Variants in KLHL32 observed in about 807,000 individuals in gnomAD.
KLHL32 encodes kelch like family member 32.
KLHL32 carries 35 observed loss-of-function variants against 64.8 expected under a neutral mutation model. The observed-to-expected ratio is 0.54, with a 90% confidence interval of 0.41 to 0.72. The LOEUF is 0.72. Ranked by LOEUF, KLHL32 falls within the 30% of genes least tolerant of loss-of-function variation. The pLI, the probability that KLHL32 is intolerant of heterozygous loss-of-function variation, is 0.00. For missense variants in KLHL32, 589 were observed against 768.5 expected, an observed-to-expected ratio of 0.77 and a Z score of 2.76; for synonymous variants, 259 against 281.0, an observed-to-expected ratio of 0.92 and a Z score of 0.78.
At chr6:96,946,643 G>A (rs1771951275) in intron 1 of KLHL32, among the ~76,000 whole-genome samples, 1 of 152,172 alleles carries the variant, frequency 6.6e-6, no homozygotes, top group South Asian at 2.1e-4. Context: ...GGACAAGTAT[G>A]GGAGAAAGCA....
chr6:96,971,068 A>G (rs1329759636), intron 2 of KLHL32, among the ~76,000 whole-genome samples: 2 of 152,136 alleles, frequency 1.3e-5, no homozygotes, highest in African/African-American at 4.8e-5. Flanking sequence ...TGTGTAAAGT[A>G]GCCTAGTTAA....
chr6:97,127,119 T>C (rs895999189), intron 7 of KLHL32, among the ~76,000 whole-genome samples: 1 of 152,216 alleles, frequency 6.6e-6, no homozygotes, highest in Non-Finnish European at 1.5e-5. Flanking sequence ...TCCCTAATAC[T>C]TTGCCCCTCA....
At chr6:97,099,580 C>T (rs1013970287) in intron 6 of KLHL32, among the ~76,000 whole-genome samples, 1 of 152,194 alleles carries the variant, frequency 6.6e-6, no homozygotes. Context: ...ACAGTCCTCT[C>T]TTCTCTCATG....
intron 3 of KLHL32, among the ~76,000 whole-genome samples, chr6:97,039,469 G>C (rs1394902342): frequency 6.6e-6 from 1 of 152,080 alleles, no homozygotes; most frequent in African/African-American, 2.4e-5. Context: ...AGAAATAAGA[G>C]CTAGTGTTAG....
the KLHL32 span, among the ~76,000 whole-genome samples, chr6:96,909,884 T>G: frequency 6.6e-6 from 1 of 152,190 alleles, no homozygotes; most frequent in Non-Finnish European, 1.5e-5. Context: ...TTGTAAAAAA[T>G]CTTAAGAAGA....
intron 3 of KLHL32, among the ~76,000 whole-genome samples, chr6:96,985,016 G>T (rs926476953): frequency 2.7e-3 from 185 of 68,888 alleles, no homozygotes; most frequent in African/African-American, 0.013. Flanking sequence ...GGTACCAATT[G>T]TTCCTTTCCA....
the KLHL32 span, among the ~76,000 whole-genome samples, chr6:96,916,577 G>A: frequency 5.4e-4 from 82 of 152,212 alleles, no homozygotes; most frequent in African/African-American, 1.8e-3. Flanking sequence ...AAAATGGTAC[G>A]TGAGTCCTTG....
chr6:96,955,262 T>G (rs1031985017), intron 1 of KLHL32, among the ~76,000 whole-genome samples: 1 of 152,224 alleles, frequency 6.6e-6, no homozygotes, highest in African/African-American at 2.4e-5. Context: ...CTGAGTCTTT[T>G]GGATATATAT....
intron 4 of KLHL32, among the ~76,000 whole-genome samples, chr6:97,055,501 T>C (rs1044283615): frequency 6.6e-6 from 1 of 152,138 alleles, no homozygotes; most frequent in South Asian, 2.1e-4. Context: ...TGCTCACCTT[T>C]AAGAATCCTT....
At chr6:96,920,702 A>T (rs1271285939), upstream of KLHL32, among the ~76,000 whole-genome samples, 1 of 152,042 alleles carries the variant, frequency 6.6e-6, no homozygotes, top group Non-Finnish European at 1.5e-5. Context: ...GTCTGCAAGG[A>T]TCTAATCTGT....
intron 3 of KLHL32, among the ~76,000 whole-genome samples, chr6:96,982,713 T>A (rs1582573165): frequency 6.6e-6 from 1 of 152,190 alleles, no homozygotes; most frequent in African/African-American, 2.4e-5. Flanking sequence ...ATGCTTGTGA[T>A]TTTTGCACAT....
rs550168650 is a variant in KLHL32 at position 97,032,014 on chromosome 6, A to G, written c.205-9478A>G. 3.3e-5 allele frequency among the ~76,000 whole-genome samples: 5 copies of G among 152,310 alleles called. No individual in the cohort carries two copies. In the South Asian group the frequency reaches 8.3e-4, roughly 25 times the overall value. ...CATAATTGTATTTAAACCTATAACA[A>G]CCCTGTGAAGTTGGTATTATTCCCA... On this transcript the variant is annotated intron_variant, in intron 3 of 10. Transcript: ENST00000369261.
intron 6 of KLHL32, among the ~76,000 whole-genome samples, chr6:97,102,829 G>T: frequency 6.6e-6 from 1 of 151,906 alleles, no homozygotes; most frequent in Non-Finnish European, 1.5e-5. Flanking sequence ...GGATGGGAAT[G>T]GTATATATAC....
intron 3 of KLHL32, among the ~76,000 whole-genome samples, chr6:97,038,028 T>A (rs1784552668): frequency 1.3e-5 from 2 of 152,260 alleles, no homozygotes; most frequent in South Asian, 4.1e-4. Context: ...GATCCAAATG[T>A]ATTAAAGACT....
At chr6:97,024,996 A>G (rs981019583) in intron 3 of KLHL32, 66 of 985,072 alleles carry the variant, frequency 6.7e-5, no homozygotes, top group East Asian at 1.1e-4. Flanking sequence ...GATCTCAGGT[A>G]TACGGTCAAC....
At chr6:97,009,844 A>G (rs1168452889) in intron 3 of KLHL32, among the ~76,000 whole-genome samples, 1 of 152,058 alleles carries the variant, frequency 6.6e-6, no homozygotes, top group African/African-American at 2.4e-5. Context: ...GTATGTGGAG[A>G]TTATATGTTT....
chr6:97,003,073 A>C (rs1182417975), intron 3 of KLHL32, among the ~76,000 whole-genome samples: 1 of 152,196 alleles, frequency 6.6e-6, no homozygotes, highest in Non-Finnish European at 1.5e-5. Context: ...AAATCGCCAA[A>C]GTTCTGTCCA....
intron 1 of KLHL32, among the ~76,000 whole-genome samples, chr6:96,964,933 G>A (rs868341675): frequency 2.0e-5 from 3 of 152,134 alleles, no homozygotes; most frequent in Non-Finnish European, 4.4e-5. Context: ...ATGATGCTGA[G>A]GTTTGGGATA....
chr6:96,924,835 A>T lies in KLHL32; in HGVS notation c.-257A>T, dbSNP rs1562160661. 2 of 139,354 alleles carry T rather than the reference A, an allele frequency of 1.4e-5. No homozygotes were observed. The highest frequency in any genetic ancestry group is 2.3e-4 in the South Asian group (1 of 4,310). 8.6% of individuals were successfully genotyped at this position (139,354 alleles called of 1,614,324 possible). On this transcript the variant is annotated 5_prime_UTR_variant, in exon 1 of 11. Coordinates refer to ENST00000369261, the MANE Select transcript of KLHL32 (RefSeq NM_052904.4). The stretch of plus-strand genomic sequence containing the variant: ...CACACACACACACACACACACACAC[A>T]CTTTCGCACACACAAACACGCTAGG...
Sources: gnomAD v4.1 joint callset for allele counts (sites outside exome capture counted in the v4.1 genomes callset) on GRCh38, gnomAD v4.1.1 for gene constraint, MANE v1.5 for transcripts, NCBI Gene and HGNC (gene_info 2026-07-23, HGNC 2026-07-21) for gene names.